The following GABBR2 variants were observed in gnomAD, a reference collection of about 807,000 sequenced individuals.
The protein encoded by GABBR2 is G-protein coupled receptor 51.
Under a neutral mutation model 105.6 loss-of-function variants are expected in GABBR2, and 23 were observed. That is an observed-to-expected ratio of 0.22 (90% confidence interval 0.16 to 0.31). GABBR2 has a LOEUF of 0.31. GABBR2 is among the 10% of genes least tolerant of loss of function. GABBR2 has a pLI of 1.00. For missense variants in GABBR2, 734 were observed against 1,245.5 expected, an observed-to-expected ratio of 0.59 and a Z score of 6.18; for synonymous variants, 478 against 499.7, an observed-to-expected ratio of 0.96 and a Z score of 0.58.
chr9:98,420,081 G>C (rs1440613763), intron 7 of GABBR2, among the ~76,000 whole-genome samples: 1 of 152,134 alleles, frequency 6.6e-6, no homozygotes, highest in Non-Finnish European at 1.5e-5. Context: ...GGAAGGTCTG[G>C]TATAGGGCCA....
intron 7 of GABBR2, among the ~76,000 whole-genome samples, chr9:98,425,560 C>T (rs902142567): frequency 4.6e-5 from 7 of 152,216 alleles, no homozygotes; most frequent in Non-Finnish European, 8.8e-5. Flanking sequence ...GGCTCTGGTC[C>T]TACTGCAAGG....
intron 13 of GABBR2, among the ~76,000 whole-genome samples, chr9:98,341,163 C>T (rs1189750853): frequency 2.0e-5 from 3 of 152,218 alleles, no homozygotes; most frequent in African/African-American, 4.8e-5. Flanking sequence ...TGCAATCTCT[C>T]GTGAATCCAA....
At chr9:98,533,364 G>A (rs907995670) in intron 3 of GABBR2, among the ~76,000 whole-genome samples, 4 of 152,156 alleles carry the variant, frequency 2.6e-5, no homozygotes, top group Non-Finnish European at 4.4e-5. Flanking sequence ...TCAGGCAGGA[G>A]GCAGTCAAGA....
At position 98,608,216 on chromosome 9, in the gene GABBR2, T is replaced by C. The variant is rs1317128744; in HGVS notation, c.322-30144A>G. On this transcript the variant is annotated intron_variant, in intron 1 of 18. Transcript: ENST00000259455. ...TGTTTGTTGGATCCGTTTGACCAATTTGAGCCAGTTTTATCTATAATGATG... is the reference window on the plus strand; with the variant it reads ...TGTTTGTTGGATCCGTTTGACCAATCTGAGCCAGTTTTATCTATAATGATG... 4.9e-6 allele frequency: 4 copies of C among 820,470 alleles called. No homozygotes were observed. The African/African-American group carries it at 5.2e-5, about 11-fold the overall frequency. 50.8% of individuals were successfully genotyped at this position (820,470 alleles called of 1,614,324 possible).
chr9:98,570,251 G>A (rs1828810860), intron 2 of GABBR2, among the ~76,000 whole-genome samples: 1 of 152,244 alleles, frequency 6.6e-6, no homozygotes, highest in African/African-American at 2.4e-5. Flanking sequence ...ACAAGGCAGG[G>A]TGGGCTGTCG....
At chr9:98,678,006 T>C (rs1830496233) in intron 1 of GABBR2, among the ~76,000 whole-genome samples, 1 of 152,206 alleles carries the variant, frequency 6.6e-6, no homozygotes, top group African/African-American at 2.4e-5. Flanking sequence ...TGTATTTATT[T>C]TTGCATTGTC....
intron 1 of GABBR2, among the ~76,000 whole-genome samples, chr9:98,586,329 TCA>T (rs1829077058): frequency 6.7e-6 from 1 of 149,160 alleles, no homozygotes; most frequent in South Asian, 2.2e-4. Context: ...AGACAGACTC[TCA>T]GTCTGTCACC....
intron 7 of GABBR2, among the ~76,000 whole-genome samples, chr9:98,425,637 A>G (rs1825668948): frequency 6.6e-6 from 1 of 152,220 alleles, no homozygotes; most frequent in Non-Finnish European, 1.5e-5. Flanking sequence ...GGTGGGCCAC[A>G]GGCCTGGTGG....
At chr9:98,499,774 A>G (rs1404045678) in intron 3 of GABBR2, among the ~76,000 whole-genome samples, 1 of 152,244 alleles carries the variant, frequency 6.6e-6, no homozygotes, top group Non-Finnish European at 1.5e-5. Context: ...GAGCCAGGCC[A>G]GGTGCGGTGG....
chr9:98,520,650 C>T (rs1827848801), intron 3 of GABBR2, among the ~76,000 whole-genome samples: 11 of 152,226 alleles, frequency 7.2e-5, no homozygotes, highest in Admixed American at 7.2e-4. Flanking sequence ...TCTAGTGAAG[C>T]ACAAGGCTTT....
intron 13 of GABBR2, among the ~76,000 whole-genome samples, chr9:98,355,902 C>A (rs538737518): frequency 8.5e-4 from 129 of 152,274 alleles, no homozygotes; most frequent in Middle Eastern, 3.4e-3. Context: ...CAGAAATACA[C>A]CCACACAAAC....
intron 1 of GABBR2, among the ~76,000 whole-genome samples, chr9:98,689,487 A>G (rs920700376): frequency 1.3e-5 from 2 of 152,200 alleles, no homozygotes; most frequent in African/African-American, 4.8e-5. Context: ...AGTAGGATAT[A>G]CTGCATTTTC....
intron 1 of GABBR2, among the ~76,000 whole-genome samples, chr9:98,598,838 G>T (rs1456322790): frequency 1.3e-5 from 2 of 152,178 alleles, no homozygotes; most frequent in South Asian, 2.1e-4. Flanking sequence ...CCCACCTACA[G>T]GCCACGTGAG....
At chr9:98,446,741 T>C (rs1826136514) in intron 7 of GABBR2, among the ~76,000 whole-genome samples, 2 of 152,084 alleles carry the variant, frequency 1.3e-5, no homozygotes, top group Non-Finnish European at 2.9e-5. Flanking sequence ...AAAAGGGACC[T>C]CAGAATAGGA....
intron 6 of GABBR2, among the ~76,000 whole-genome samples, chr9:98,469,345 C>G (rs760341526): frequency 6.6e-6 from 1 of 152,168 alleles, no homozygotes; most frequent in Non-Finnish European, 1.5e-5. Context: ...CATTCACTAT[C>G]ACAAGAACAG....
chr9:98,386,212 GT>G (rs201485919), intron 10 of GABBR2, among the ~76,000 whole-genome samples: 7,920 of 136,336 alleles, frequency 0.058, 372 homozygotes, highest in African/African-American at 0.16. Flanking sequence ...AAGTCAACAG[GT>G]TTTTTTTTTT....
chr9:98,542,827 A>G (rs922792716), intron 2 of GABBR2, among the ~76,000 whole-genome samples: 1 of 152,230 alleles, frequency 6.6e-6, no homozygotes, highest in Non-Finnish European at 1.5e-5. Flanking sequence ...ATTCATGGTT[A>G]TAGATAATGC....
intron 1 of GABBR2, among the ~76,000 whole-genome samples, chr9:98,598,243 A>T (rs1311176523): frequency 2.0e-5 from 3 of 152,202 alleles, no homozygotes; most frequent in African/African-American, 7.2e-5. Context: ...CCAGAGAGAC[A>T]TCTTGGAGGA....
At chr9:98,367,272 T>C (rs1032184028) in intron 12 of GABBR2, among the ~76,000 whole-genome samples, 16 of 139,140 alleles carry the variant, frequency 1.1e-4, no homozygotes, top group Non-Finnish European at 2.1e-4. Context: ...ATTTGCAAAT[T>C]TATATAAATC....
Sources: allele counts gnomAD v4.1 joint callset (sites outside exome capture counted in the v4.1 genomes callset), GRCh38; gene constraint gnomAD v4.1.1; transcripts MANE v1.5; gene names NCBI Gene and HGNC (gene_info 2026-07-23, HGNC 2026-07-21).